EIF4G3: variants seen among roughly 807,000 people sequenced by gnomAD.
EIF4G3 encodes eIF-4-gamma 3.
EIF4G3 carries 34 observed loss-of-function variants against 186.4 expected under a neutral mutation model. That is an observed-to-expected ratio of 0.18 (90% CI 0.14 to 0.24). EIF4G3 has a LOEUF of 0.24. Among genes scored for constraint, EIF4G3 ranks in the 10% least tolerant of loss-of-function variants. The probability of loss-of-function intolerance (pLI) is 1.00; values close to 1 mark genes in which losing one functional copy is unlikely to be tolerated. For missense variants in EIF4G3, 1,536 were observed against 1,948.5 expected, an observed-to-expected ratio of 0.79 and a Z score of 3.99; for synonymous variants, 673 against 679.5, an observed-to-expected ratio of 0.99 and a Z score of 0.15.
chr1:20,962,215 T>A lies in EIF4G3; in HGVS notation c.714+7259A>T, dbSNP rs531462858. ...CCCCACACAGTTGAAAATCTGTGTATAACTTTTGACTCCCCAAAAACTTAA... is the reference window on the plus strand; with the variant it reads ...CCCCACACAGTTGAAAATCTGTGTAAAACTTTTGACTCCCCAAAAACTTAA... On this transcript the variant is annotated intron_variant, in intron 12 of 36. Coordinates refer to ENST00000602326, the MANE Select transcript of EIF4G3 (RefSeq NM_001391906.1). 1.4e-4 allele frequency among the ~76,000 whole-genome samples: 22 copies of A among 152,308 alleles called. No individual in the cohort carries two copies. In the South Asian group the frequency reaches 2.7e-3, roughly 19 times the overall value.
At chr1:21,032,829 G>A (rs781649938) in intron 4 of EIF4G3, among the ~76,000 whole-genome samples, 2 of 152,040 alleles carry the variant, frequency 1.3e-5, no homozygotes, top group Non-Finnish European at 2.9e-5. Context: ...ACAGAATAAC[G>A]ATCAAGAGGC....
At chr1:20,876,681 T>A (rs999855891) in intron 20 of EIF4G3, among the ~76,000 whole-genome samples, 6 of 152,162 alleles carry the variant, frequency 3.9e-5, no homozygotes, top group Non-Finnish European at 7.3e-5. Flanking sequence ...CTTGTTCAAA[T>A]AGGTTGTTAT....
intron 14 of EIF4G3, among the ~76,000 whole-genome samples, chr1:20,918,701 CTTTTTTTTTT>C (rs35704755): frequency 4.2e-5 from 4 of 94,902 alleles, no homozygotes; most frequent in African/African-American, 8.8e-5. Context: ...CTCCTAGTAT[CTTTTTTTTTT>C]TTTTTTTTTT....
chr1:21,041,421 T>A (rs929779218), intron 4 of EIF4G3, among the ~76,000 whole-genome samples: 1 of 152,150 alleles, frequency 6.6e-6, no homozygotes, highest in Non-Finnish European at 1.5e-5. Flanking sequence ...TCAGCCAGTA[T>A]AACAAATTCA....
chr1:20,878,931 A>G (rs2081583810), intron 20 of EIF4G3, among the ~76,000 whole-genome samples: 1 of 152,244 alleles, frequency 6.6e-6, no homozygotes, highest in South Asian at 2.1e-4. Flanking sequence ...ATTTTCACAG[A>G]GATTAGAATT....
chr1:21,006,411 CA>C (rs2085099408), intron 4 of EIF4G3, among the ~76,000 whole-genome samples: 1 of 152,186 alleles, frequency 6.6e-6, no homozygotes, highest in African/African-American at 2.4e-5. Context: ...ATTTCAAAGT[CA>C]TCCCAAATAT....
chr1:20,948,508 G>A (rs1314907083), intron 13 of EIF4G3, among the ~76,000 whole-genome samples: 2 of 152,034 alleles, frequency 1.3e-5, no homozygotes, highest in Non-Finnish European at 2.9e-5. Flanking sequence ...AGAGTATCAG[G>A]CTTCTCAATA....
At chr1:20,913,964 G>A (rs1478483255) in intron 14 of EIF4G3, among the ~76,000 whole-genome samples, 2 of 151,876 alleles carry the variant, frequency 1.3e-5, no homozygotes, top group African/African-American at 4.8e-5. Flanking sequence ...ATGCCGCCAC[G>A]CCTGGATAAT....
At chr1:21,120,619 C>CAA (rs67743322) in intron 2 of EIF4G3, among the ~76,000 whole-genome samples, 1,362 of 74,128 alleles carry the variant, frequency 0.018, 22 homozygotes, top group African/African-American at 0.048. Context: ...GACTCCATCT[C>CAA]AAAAAAAAAA....
At position 20,829,266 on chromosome 1, in the gene EIF4G3, T is replaced by C. The variant is rs2064455689; in HGVS notation, c.4068A>G (p.Ser1356=). 1 of 1,612,776 alleles carries C rather than the reference T, an allele frequency of 6.2e-7. No homozygotes were observed. The highest frequency in any genetic ancestry group is 2.2e-5 in the East Asian group (1 of 44,852). Residue 1356 remains serine (S), a synonymous_variant, in exon 31 of 37, where the codon TCA becomes TCG. Transcript: ENST00000602326. The stretch of plus-strand genomic sequence containing the variant: ...TGTCATCTGCCAATTCCAAAGTTTC[T>C]GAAAAACTGAAAAGGAACAGGGGGT... ...LSKQDFFKGF[S]ETLELADDMA...
chr1:20,949,869 C>A, intron 13 of EIF4G3, 134 bp downstream of exon 13: 1 of 679,942 alleles, frequency 1.5e-6, no homozygotes, highest in Admixed American at 2.8e-5. Flanking sequence ...TAATTTTCTG[C>A]CTCAAAGCTT....
At chr1:21,132,291 G>A (rs1479887402) in intron 2 of EIF4G3, among the ~76,000 whole-genome samples, 2 of 151,978 alleles carry the variant, frequency 1.3e-5, no homozygotes, top group Non-Finnish European at 2.9e-5. Context: ...TTCAGATACT[G>A]CTTGTCCATC....
intron 7 of EIF4G3, among the ~76,000 whole-genome samples, chr1:20,986,108 T>C (rs1434599442): frequency 6.6e-6 from 1 of 152,208 alleles, no homozygotes; most frequent in Non-Finnish European, 1.5e-5. Flanking sequence ...CCAACCAAGA[T>C]TTTTAATTCC....
chr1:21,157,829 T>G (rs767597122), intron 2 of EIF4G3, among the ~76,000 whole-genome samples: 1 of 152,216 alleles, frequency 6.6e-6, no homozygotes, highest in Non-Finnish European at 1.5e-5. Context: ...AAGATTCCAC[T>G]AGTCTTTCCT....
At chr1:20,919,636 G>A (rs2094303701) in intron 14 of EIF4G3, among the ~76,000 whole-genome samples, 2 of 152,128 alleles carry the variant, frequency 1.3e-5, no homozygotes, top group South Asian at 4.1e-4. Flanking sequence ...ATTAAGGCAA[G>A]GAAAAGTCTT....
At chr1:21,135,327 C>T (rs1301125297) in intron 2 of EIF4G3, among the ~76,000 whole-genome samples, 2 of 152,098 alleles carry the variant, frequency 1.3e-5, no homozygotes, top group Non-Finnish European at 2.9e-5. Flanking sequence ...TGGTGAAATC[C>T]CGTCTCTACT....
At chr1:21,117,838 C>T (rs954267558) in intron 2 of EIF4G3, among the ~76,000 whole-genome samples, 3 of 150,676 alleles carry the variant, frequency 2.0e-5, no homozygotes, top group Non-Finnish European at 2.9e-5. Flanking sequence ...ACAATAAGGA[C>T]GAAGATTGCA....
intron 20 of EIF4G3, among the ~76,000 whole-genome samples, chr1:20,869,774 C>CAAAAAAAA: frequency 2.1e-5 from 1 of 48,636 alleles, no homozygotes; most frequent in Non-Finnish European, 4.1e-5. Context: ...GACTACGTCT[C>CAAAAAAAA]AAAAAAAAAA....
intron 3 of EIF4G3, among the ~76,000 whole-genome samples, chr1:21,066,434 T>C (rs1019911645): frequency 3.3e-5 from 5 of 152,030 alleles, no homozygotes; most frequent in African/African-American, 1.2e-4. Context: ...GTTATAGCCA[T>C]AAGAAATTAA....
Sources: allele counts gnomAD v4.1 joint callset (sites outside exome capture counted in the v4.1 genomes callset), GRCh38; gene constraint gnomAD v4.1.1; transcripts MANE v1.5; gene names NCBI Gene and HGNC (gene_info 2026-07-23, HGNC 2026-07-21).